Variants in KLHL21 observed in about 807,000 individuals in gnomAD.
KLHL21 encodes the protein kelch-like protein 21.
KLHL21 carries 42 observed loss-of-function variants against 44.1 expected under a neutral mutation model. That is an observed-to-expected ratio of 0.95 (90% CI 0.74 to 1.23). The LOEUF is 1.23. Ranked by LOEUF, KLHL21 falls within the 50% of genes most tolerant of loss-of-function variation. The probability of loss-of-function intolerance (pLI) is 0.00; values close to 1 mark genes in which losing one functional copy is unlikely to be tolerated. For missense variants in KLHL21, 918 were observed against 889.1 expected (o/e 1.03, Z -0.41); for synonymous variants, 524 against 411.6 (o/e 1.27, Z -3.31).
Position 6,590,771 on chromosome 1 carries a change from AC to A in KLHL21, c.*2593del. On this transcript the variant is annotated 3_prime_UTR_variant, in exon 4 of 4. Coordinates refer to ENST00000377658, the MANE Select transcript of KLHL21 (RefSeq NM_014851.4). Reference sequence around the variant, plus strand: ...CAAAAAGTACTGAAGGTACCCTAAAACCTTAAGCAGGATTCTGGACATGGAA... The same window carrying A: ...CAAAAAGTACTGAAGGTACCCTAAAACTTAAGCAGGATTCTGGACATGGAA... 1 of 395,564 alleles carries A rather than the reference AC, an allele frequency of 2.5e-6. No individual in the cohort carries two copies. The highest frequency in any genetic ancestry group is 4.5e-6 in the Non-Finnish European group (1 of 224,564). 24.5% of individuals were successfully genotyped at this position (395,564 alleles called of 1,614,324 possible).
rs1640873306 is a variant in KLHL21, at chr1:6,593,000, CCTCCCAAGTCATCGTCCT to C, written c.*347_*364del. 2 of 233,986 alleles carry C rather than the reference CCTCCCAAGTCATCGTCCT, an allele frequency of 8.5e-6. No homozygotes were observed. Among genetic ancestry groups the C allele is most frequent in the Non-Finnish European group, 1.7e-5 (2 of 119,146 alleles). 14.5% of individuals were successfully genotyped at this position (233,986 alleles called of 1,614,324 possible). Reference sequence around the variant, plus strand: ...AGGACCCCTTCTCCCTTCACGCGTCCCTCCCAAGTCATCGTCCTCTCCCAAGGTGGGAACAAGTAGGTG... The same window carrying C: ...AGGACCCCTTCTCCCTTCACGCGTCCCTCCCAAGGTGGGAACAAGTAGGTG... On this transcript the variant is annotated 3_prime_UTR_variant, in exon 4 of 4. Transcript: ENST00000377658.
At chr1:6,593,927 C>T (rs1004525501) in intron 3 of KLHL21, 9 of 1,255,840 alleles carry the variant, frequency 7.2e-6, no homozygotes, top group Non-Finnish European at 9.0e-6. Flanking sequence ...CCGAGCAGCG[C>T]TTCCTACGTT....
chr1:6,601,039 G>A (rs1641008755), intron 1 of KLHL21, among the ~76,000 whole-genome samples: 2 of 152,192 alleles, frequency 1.3e-5, no homozygotes, highest in Admixed American at 1.3e-4. Context: ...CGCCTCACAC[G>A]CCTGCCTGGT....
At chr1:6,593,960 G>GC in intron 3 of KLHL21, 1 of 1,185,956 alleles carries the variant, frequency 8.4e-7, no homozygotes. Flanking sequence ...CTCTGCAGTG[G>GC]CCCTCTGGGC....
At position 6,599,221 on chromosome 1, in the gene KLHL21, G is replaced by C; in HGVS notation, c.1253C>G (p.Thr418Ser). The C allele has an allele frequency of 2.5e-6, 4 of 1,614,150 alleles. No homozygotes were observed. The highest frequency in any genetic ancestry group is 3.4e-6 in the Non-Finnish European group (4 of 1,180,044). ...GGCATAGAGCCGGCCACGGCACGCA[G>C]TGGTGGAGCAGTTGTCCATGGGGTA... ...MTYPMDNCST[T>S]ACRGRLYAIG... The change falls in exon 2 of 4, where the codon ACT becomes AGT. Residue 418 changes from threonine to serine, a missense_variant. Thr to Ser is a moderately conservative substitution (Grantham distance 58). Coordinates refer to ENST00000377658, the MANE Select transcript of KLHL21 (RefSeq NM_014851.4).
At chr1:6,596,496 C>G (rs1570196231) in intron 2 of KLHL21, among the ~76,000 whole-genome samples, 1 of 152,206 alleles carries the variant, frequency 6.6e-6, no homozygotes, top group East Asian at 1.9e-4. Context: ...GAACCTGACA[C>G]GGCAGCACAA....
chr1:6,593,790 A>G, intron 3 of KLHL21, 132 bp from the exon 4 acceptor site: 2 of 1,399,320 alleles, frequency 1.4e-6, no homozygotes, highest in South Asian at 1.7e-5. Flanking sequence ...CCCAGAAAGC[A>G]GCAGAGAGGC....
Position 6,599,284 on chromosome 1 carries a change from T to C in KLHL21, c.1190A>G (p.His397Arg), listed in dbSNP as rs1325418322. Residue 397 changes from histidine to arginine, a missense_variant, in exon 2 of 4, where the codon CAC becomes CGC. Coordinates refer to ENST00000377658, the MANE Select transcript of KLHL21 (RefSeq NM_014851.4). ...CAGGGCCTCCCAGGAGTCAGTGGTGTGGTCATAGCGCTCGGTGCTGTCGGC... is the reference window on the plus strand; with the variant it reads ...CAGGGCCTCCCAGGAGTCAGTGGTGCGGTCATAGCGCTCGGTGCTGTCGGC... ...VAADSTERYD[H>R]TTDSWEALQP... 1.2e-6 allele frequency: 2 copies of C among 1,613,874 alleles called. No homozygotes were observed. Among genetic ancestry groups the C allele is most frequent in the Admixed American group, 1.7e-5 (1 of 59,994 alleles).
chr1:6,602,198 C>A lies in KLHL21; in HGVS notation c.620G>T (p.Arg207Leu). 1 of 1,503,520 alleles carries A rather than the reference C, an allele frequency of 6.7e-7. No homozygotes were observed. The highest frequency in any genetic ancestry group is 8.8e-7 in the Non-Finnish European group (1 of 1,133,790). 93.1% of individuals were successfully genotyped at this position (1,503,520 alleles called of 1,614,324 possible). Residue 207 changes from arginine (R) to leucine (L), a missense_variant, in exon 1 of 4, where the codon CGC (arginine) becomes CTC (leucine). By Grantham distance (102) the Arg-to-Leu change is moderately radical. Coordinates refer to ENST00000377658, the MANE Select transcript of KLHL21 (RefSeq NM_014851.4). ...AAYQLALRWV[R>L]ADPPRRAAHW... ...CGCGGCGCGGCGCGGCGGGTCAGCG[C>A]GGACCCAGCGCAGCGCCAGCTGGTA...
At chr1:6,595,098 G>A (rs1640906222) in intron 3 of KLHL21, 2 of 471,772 alleles carry the variant, frequency 4.2e-6, no homozygotes, top group East Asian at 7.3e-5. Context: ...TGCTGACTCT[G>A]CTCCGGCCAC....
At position 6,602,834 on chromosome 1, in the gene KLHL21, T is replaced by G; in HGVS notation, c.-17A>C. 7.1e-7 allele frequency: 1 copy of G among 1,404,602 alleles called. No homozygotes were observed. Among genetic ancestry groups the G allele is most frequent in the South Asian group, 1.5e-5 (1 of 66,834 alleles). 87.0% of individuals were successfully genotyped at this position (1,404,602 alleles called of 1,614,324 possible). A position where few individuals can be genotyped will look rare whatever the true frequency, so the allele number is the denominator to read the frequency against. On this transcript the variant is annotated 5_prime_UTR_variant, in exon 1 of 4. Coordinates refer to ENST00000377658, the MANE Select transcript of KLHL21 (RefSeq NM_014851.4). Reference sequence around the variant, plus strand: ...TCGCTCCATGGCGCCTTCGATAGGTTGTCGAGGACGCCGCGGCCGGGGCCT... The same window carrying G: ...TCGCTCCATGGCGCCTTCGATAGGTGGTCGAGGACGCCGCGGCCGGGGCCT...
Position 6,602,092 on chromosome 1 carries a change from C to G in KLHL21, c.726G>C (p.Pro242=). Residue 242 remains proline, a synonymous_variant, in exon 1 of 4, where the codon CCG becomes CCC. Coordinates refer to ENST00000377658, the MANE Select transcript of KLHL21 (RefSeq NM_014851.4). ...FYLLAHVEAE[P]LVARCPPCLR... ...GGCAGGGTGGGCAGCGCGCCACCAG[C>G]GGCTCGGCCTCGACGTGCGCCAACA... 1 of 1,481,972 alleles carries G rather than the reference C, an allele frequency of 6.7e-7. No homozygotes were observed. Among genetic ancestry groups the G allele is most frequent in the East Asian group, 2.7e-5 (1 of 36,844 alleles). The allele number at this position is 1,481,972 out of a possible 1,614,324, so 91.8% of individuals were successfully genotyped here. A position where few individuals can be genotyped will look rare whatever the true frequency, so the allele number is the denominator to read the frequency against.
chr1:6,593,736 C>T, intron 3 of KLHL21, 78 bp from the exon 4 acceptor site: 1 of 1,476,912 alleles, frequency 6.8e-7, no homozygotes, highest in South Asian at 1.4e-5. Context: ...CCACTGGAGA[C>T]AAGGCATGCC....
chr1:6,597,442 G>A (rs1243611467), intron 2 of KLHL21, among the ~76,000 whole-genome samples: 1 of 152,174 alleles, frequency 6.6e-6, no homozygotes, highest in Non-Finnish European at 1.5e-5. Flanking sequence ...CCTCTTTGAA[G>A]ACACCTTCAC....
At chr1:6,595,430 G>A (rs1640910846) in intron 3 of KLHL21, 55 bp downstream of exon 3, 3 of 1,543,004 alleles carry the variant, frequency 1.9e-6, no homozygotes, top group Non-Finnish European at 2.7e-6. Context: ...TGACACTTGG[G>A]TTGCAAAATC....
rs138113060 is a variant in KLHL21, at chr1:6,595,498, G to A, written c.1487C>T (p.Pro496Leu). Residue 496 changes from proline (P) to leucine (L), a missense_variant, in exon 3 of 4, where the codon CCG (proline) becomes CTG (leucine). Pro to Leu is a moderately conservative substitution (Grantham distance 98). Transcript: ENST00000377658. Reference protein sequence around the residue: ...NPTRNEWDKIPSMNQVHVGGS... With the variant: ...NPTRNEWDKILSMNQVHVGGS... ...CTGAAAATTTACCTGATTCATGGAC[G>A]GGATCTTGTCCCATTCGTTCCTCGT... The A allele has an allele frequency of 4.1e-5, 66 of 1,613,998 alleles. No homozygotes were observed. Among genetic ancestry groups the A allele is most frequent in the Non-Finnish European group, 4.7e-5 (56 of 1,179,998 alleles).
At position 6,595,491 on chromosome 1, in the gene KLHL21, C is replaced by G; in HGVS notation, c.1494G>C (p.Met498Ile). 1.9e-6 allele frequency: 3 copies of G among 1,614,152 alleles called. No homozygotes were observed. The highest frequency in any genetic ancestry group is 1.7e-5 in the Admixed American group (1 of 60,016). Residue 498 changes from methionine (M) to isoleucine (I), a missense_variant, in exon 3 of 4, where the codon ATG becomes ATC. By Grantham distance (10) the Met-to-Ile change is conservative (BLOSUM62 1). Coordinates refer to ENST00000377658, the MANE Select transcript of KLHL21 (RefSeq NM_014851.4). ...TRNEWDKIPS[M>I]NQVHVGGSLA... is the part of the protein sequence containing the mutation. ...GGCCCGCCTGAAAATTTACCTGATT[C>G]ATGGACGGGATCTTGTCCCATTCGT...
In KLHL21 at chr1:6,601,743, C is replaced by A. The variant is rs985172397; in HGVS notation, c.1021+54G>T. The A allele has an allele frequency of 4.7e-6, 7 of 1,479,500 alleles. No individual in the cohort carries two copies. The African/African-American group carries it at 8.4e-5, about 18-fold the overall frequency. 91.6% of individuals were successfully genotyped at this position (1,479,500 alleles called of 1,614,324 possible). ...GCTTCCCCCGCGAATAGCTGGGCTC[C>A]CGTACCGGCGAGGTTCAACCCCAGA... On this transcript the variant is annotated intron_variant, in intron 1 of 3. Coordinates refer to ENST00000377658, the MANE Select transcript of KLHL21 (RefSeq NM_014851.4).
Position 6,599,424 on chromosome 1 carries a change from G to A in KLHL21, c.1050C>T (p.Asp350=), listed in dbSNP as rs1318378862. 16 of 1,610,388 alleles carry A rather than the reference G, an allele frequency of 9.9e-6. No homozygotes were observed. The highest frequency in any genetic ancestry group is 6.6e-5 in the South Asian group (6 of 90,998). Residue 350 remains aspartate (D), a synonymous_variant, in exon 2 of 4, where the codon GAC becomes GAT. Coordinates refer to ENST00000377658, the MANE Select transcript of KLHL21 (RefSeq NM_014851.4). The part of the protein sequence containing the change: ...TGGSDGSRLY[D]CVWRYNSSVN... ...CGCTTGAGTTGTACCTCCACACGCAGTCATAGAGCCGGGAGCCATCGGACC... is the reference window on the plus strand; with the variant it reads ...CGCTTGAGTTGTACCTCCACACGCAATCATAGAGCCGGGAGCCATCGGACC...
Sources: allele counts gnomAD v4.1 joint callset (sites outside exome capture counted in the v4.1 genomes callset), GRCh38; gene constraint gnomAD v4.1.1; transcripts MANE v1.5; gene names NCBI Gene and HGNC (gene_info 2026-07-23, HGNC 2026-07-21).